NSMAF: variants seen among roughly 807,000 people sequenced by gnomAD.
The protein encoded by NSMAF is protein FAN.
Under a neutral mutation model 134.9 loss-of-function variants are expected in NSMAF, and 90 were observed. The ratio of observed to expected loss-of-function variants is 0.67; its 90% confidence interval spans 0.56 to 0.79. The LOEUF is 0.79. Ranked by LOEUF, NSMAF falls within the 30% of genes least tolerant of loss-of-function variation. The probability of loss-of-function intolerance (pLI) is 0.00; values close to 1 mark genes in which losing one functional copy is unlikely to be tolerated. For missense variants in NSMAF, 1,010 were observed against 1,119.0 expected (o/e 0.90, Z 1.39); for synonymous variants, 358 against 389.6 (o/e 0.92, Z 0.96).
At position 58,585,932 on chromosome 8, in the gene NSMAF, G is replaced by C. The variant is rs750843029; in HGVS notation, c.2515C>G (p.Leu839Val). 1 of 1,613,964 alleles carries C rather than the reference G, an allele frequency of 6.2e-7. No individual in the cohort carries two copies. The highest frequency in any genetic ancestry group is 8.5e-7 in the Non-Finnish European group (1 of 1,179,952). ...TCATCTGATGTCATGGAGGAGATGA[G>C]CATTCCTGTCTGCACATCAATGACA... ...LNVIDVQTGM[L>V]ISSMTSDEPQ... Residue 839 changes from leucine (L) to valine (V), a missense_variant, in exon 29 of 31, where the codon CTC becomes GTC. By Grantham distance (32) the Leu-to-Val change is conservative. Transcript: ENST00000038176.
At chr8:58,630,515 G>C (rs973827591) in intron 6 of NSMAF, among the ~76,000 whole-genome samples, 4 of 151,994 alleles carry the variant, frequency 2.6e-5, no homozygotes, top group Non-Finnish European at 2.9e-5. Flanking sequence ...TCTCAACTTG[G>C]GGGTAGGGTT....
At position 58,659,571 on chromosome 8, in the gene NSMAF, A is replaced by G; in HGVS notation, c.59+2T>C. 1 of 1,526,842 alleles carries G rather than the reference A, an allele frequency of 6.5e-7. No homozygotes were observed. Among genetic ancestry groups the G allele is most frequent in the Non-Finnish European group, 8.8e-7 (1 of 1,138,348 alleles). The allele number at this position is 1,526,842 out of a possible 1,614,324, so 94.6% of individuals were successfully genotyped here. On this transcript the variant is annotated splice_donor_variant, in intron 1 of 30. Transcript: ENST00000038176. LOFTEE classifies it high-confidence loss of function. ...TGGGCCCTTCTTCAGCTGGGCGCGCACCTCTCCTTGGAGTAGAGCTGCAGC... is the reference window on the plus strand; with the variant it reads ...TGGGCCCTTCTTCAGCTGGGCGCGCGCCTCTCCTTGGAGTAGAGCTGCAGC...
At position 58,589,535 on chromosome 8, in the gene NSMAF, AC is replaced by A. The variant is rs1805977473; in HGVS notation, c.2127del (p.Leu710Ter). The A allele has an allele frequency of 1.9e-6, 3 of 1,576,350 alleles. No homozygotes were observed. In the Admixed American group the frequency reaches 6.1e-5, roughly 32 times the overall value. ...YSIAFGRRQD[T>X]LMGHDDAVSK... ...CTAACAGCATCATCATGTCCCATTA[AC>A]GTGTCCTGGCGTCTTCCAAATGCTA... On this transcript the variant is annotated frameshift_variant, in exon 26 of 31. Coordinates refer to ENST00000038176, the MANE Select transcript of NSMAF (RefSeq NM_003580.4). LOFTEE classifies it high-confidence loss of function.
At position 58,589,518 on chromosome 8, in the gene NSMAF, A is replaced by G. The variant is rs146351476; in HGVS notation, c.2145T>C (p.Asp715=). ...RRQDTLMGHD[D]AVSKICWHDN... ...CATGCCAACAGATCTTACTAACAGC[A>G]TCATCATGTCCCATTAACGTGTCCT... Residue 715 remains aspartate (D), a synonymous_variant, in exon 26 of 31, where the codon GAT becomes GAC. Transcript: ENST00000038176. 31 of 1,571,046 alleles carry G rather than the reference A, an allele frequency of 2.0e-5. No homozygotes were observed. The African/African-American group carries it at 4.0e-4, about 20-fold the overall frequency.
At chr8:58,623,677 T>G in intron 7 of NSMAF, 32 bp downstream of exon 7, 3 of 1,586,102 alleles carry the variant, frequency 1.9e-6, no homozygotes, top group Non-Finnish European at 2.6e-6. Context: ...TGCCTCAGTT[T>G]GCTTTGAATT....
chr8:58,640,433 G>GA (rs1461835298), intron 2 of NSMAF, among the ~76,000 whole-genome samples: 1 of 152,062 alleles, frequency 6.6e-6, no homozygotes, highest in African/African-American at 2.4e-5. Flanking sequence ...TGGAAAATCT[G>GA]AGTCTTGGCC....
At chr8:58,623,076 C>G (rs1305532196) in intron 9 of NSMAF, 144 bp downstream of exon 9, 2 of 661,142 alleles carry the variant, frequency 3.0e-6, no homozygotes, top group African/African-American at 3.6e-5. Flanking sequence ...AGAGAGTTCT[C>G]CTGCACTGAG....
At chr8:58,625,036 T>A (rs990973156) in intron 6 of NSMAF, among the ~76,000 whole-genome samples, 9 of 152,152 alleles carry the variant, frequency 5.9e-5, no homozygotes, top group African/African-American at 2.2e-4. Context: ...TCTGTGAGGA[T>A]GTTTCTGGAT....
At position 58,619,061 on chromosome 8, in the gene NSMAF, G is replaced by A. The variant is rs114194467; in HGVS notation, c.557+4159C>T. Among the ~76,000 whole-genome samples the A allele has an allele frequency of 3.6e-3, 544 of 152,158 alleles. 4 individuals carry two copies. The highest frequency in any genetic ancestry group is 0.013 in the African/African-American group (527 of 41,526). On this transcript the variant is annotated intron_variant, in intron 9 of 30. Transcript: ENST00000038176. Reference sequence around the variant, plus strand: ...TTGGAAAAATGACACATTCTAAGTAGGTCAGAAGAAGCTAATTCTTCTTAT... The same window carrying A: ...TTGGAAAAATGACACATTCTAAGTAAGTCAGAAGAAGCTAATTCTTCTTAT...
chr8:58,597,639 G>A, intron 20 of NSMAF, 89 bp from the exon 21 acceptor site: 2 of 1,237,820 alleles, frequency 1.6e-6, no homozygotes, highest in Non-Finnish European at 2.3e-6. Context: ...TCAATAGGAG[G>A]GACTAACCCT....
intron 2 of NSMAF, among the ~76,000 whole-genome samples, chr8:58,642,451 G>C (rs953013362): frequency 1.3e-5 from 2 of 152,196 alleles, no homozygotes; most frequent in Non-Finnish European, 2.9e-5. Flanking sequence ...TTAAGATACT[G>C]AGAAATCAGA....
chr8:58,590,042 A>G lies in NSMAF; in HGVS notation c.2052T>C (p.Asp684=), dbSNP rs1563523039. The change falls in exon 25 of 31, where the codon GAT becomes GAC. Residue 684 remains aspartate, a synonymous_variant. Coordinates refer to ENST00000038176, the MANE Select transcript of NSMAF (RefSeq NM_003580.4). The part of the protein sequence containing the change: ...ALSSCLLLPG[D]ATVITSSWDN... ...CCCATGAAGAAGTTATGACAGTGGC[A>G]TCTCCTGGTAAAAGTAAACAAGACG... 1.2e-5 allele frequency: 19 copies of G among 1,614,058 alleles called. No homozygotes were observed. The highest frequency in any genetic ancestry group is 1.6e-5 in the Non-Finnish European group (19 of 1,179,884).
In NSMAF at chr8:58,602,132, A is replaced by G. The variant is rs756876541; in HGVS notation, c.1051T>C (p.Ser351Pro). Residue 351 changes from serine to proline, a missense_variant, in exon 14 of 31, where the codon TCA (serine) becomes CCA (proline). Ser to Pro is a moderately conservative substitution (Grantham distance 74, BLOSUM62 -1). Transcript: ENST00000038176. ...HDYSSSELDL[S>P]NPGTFRDLSK... ...AGATCCCGGAAGGTTCCTGGATTTG[A>G]CAAATCTATAAACATAAATCAATAA... 2 of 1,611,894 alleles carry G rather than the reference A, an allele frequency of 1.2e-6. No homozygotes were observed. The highest frequency in any genetic ancestry group is 2.2e-5 in the South Asian group (2 of 90,996).
intron 13 of NSMAF, among the ~76,000 whole-genome samples, chr8:58,602,683 T>A (rs1260494393): frequency 3.3e-5 from 5 of 152,156 alleles, no homozygotes; most frequent in Admixed American, 3.3e-4. Context: ...CAAAATAAAG[T>A]TACAATACAA....
chr8:58,592,379 G>A (rs1327942797), intron 23 of NSMAF, among the ~76,000 whole-genome samples: 1 of 152,116 alleles, frequency 6.6e-6, no homozygotes, highest in African/African-American at 2.4e-5. Context: ...AGGATCCCCT[G>A]TACTAGAGGT....
At chr8:58,658,703 A>G (rs1807779376) in intron 1 of NSMAF, among the ~76,000 whole-genome samples, 1 of 152,168 alleles carries the variant, frequency 6.6e-6, no homozygotes, top group Non-Finnish European at 1.5e-5. Context: ...CAGACCGAGC[A>G]AGTTGTTTCT....
rs147990005 is a variant in NSMAF at position 58,597,475 on chromosome 8, A to T, written c.1704T>A (p.Phe568Leu). 1.2e-5 allele frequency: 20 copies of T among 1,614,022 alleles called. No homozygotes were observed. Among genetic ancestry groups the T allele is most frequent in the Non-Finnish European group, 1.7e-5 (20 of 1,179,968 alleles). Reference sequence around the variant, plus strand: ...TGATCCTTCGAGGATGTGGTGTCACAAATAGTTGTTTTGGTGTCTGCCCAA... The same window carrying T: ...TGATCCTTCGAGGATGTGGTGTCACTAATAGTTGTTTTGGTGTCTGCCCAA... ...LEFGQTPKQLFVTPHPRRITP... is the reference protein window; with the variant it reads ...LEFGQTPKQLLVTPHPRRITP... The change falls in exon 21 of 31, where the codon TTT becomes TTA. Residue 568 changes from phenylalanine to leucine, a missense_variant. Transcript: ENST00000038176.
At chr8:58,625,697 A>G (rs1806914855) in intron 6 of NSMAF, among the ~76,000 whole-genome samples, 1 of 152,154 alleles carries the variant, frequency 6.6e-6, no homozygotes, top group South Asian at 2.1e-4. Context: ...TCTCTTGCAG[A>G]TGGCATATAG....
chr8:58,645,816 G>A (rs1304656499), intron 1 of NSMAF, among the ~76,000 whole-genome samples: 5 of 152,146 alleles, frequency 3.3e-5, no homozygotes, highest in African/African-American at 7.2e-5. Flanking sequence ...CAAGGCGGGC[G>A]GTTTGCCTGA....
Sources: allele counts gnomAD v4.1 joint callset (sites outside exome capture counted in the v4.1 genomes callset), GRCh38; gene constraint gnomAD v4.1.1; transcripts MANE v1.5; gene names NCBI Gene and HGNC (gene_info 2026-07-23, HGNC 2026-07-21).